MGST1: variants seen among roughly 807,000 people sequenced by gnomAD.
MGST1 encodes microsomal glutathione S-transferase 1.
Under a neutral mutation model 8.9 loss-of-function variants are expected in MGST1, and 5 were observed. That is an observed-to-expected ratio of 0.56 (90% CI 0.29 to 1.19). The LOEUF (loss-of-function observed/expected upper bound fraction) is 1.19, where lower values mean the gene tolerates loss of function less well. Among genes scored for constraint, MGST1 ranks in the 50% most tolerant of loss-of-function variants. MGST1 has a pLI of 0.08. For missense variants in MGST1, 182 were observed against 187.4 expected (o/e 0.97, Z 0.17); for synonymous variants, 54 against 67.8 (o/e 0.80, Z 1.00).
chr12:16,586,309 T>C lies in MGST1; in HGVS notation n.483-3219T>C, dbSNP rs542663638. Among the ~76,000 whole-genome samples the C allele has an allele frequency of 2.2e-4, 34 of 152,116 alleles. No individual in the cohort carries two copies. Among genetic ancestry groups the C allele is most frequent in the Non-Finnish European group, 4.7e-4 (32 of 68,010 alleles). On this transcript the variant is annotated intron_variant and non_coding_transcript_variant, in intron 4 of 4. Coordinates refer to the MGST1 transcript ENST00000538857. The surrounding 1 kb of genome is among the most constrained non-coding windows in gnomAD (Gnocchi z 4.3). The stretch of plus-strand genomic sequence containing the variant: ...GTTAAGATGTCATGATACGATGAAG[T>C]CCACATACGGAACAACTAAGAAACA...
chr12:16,487,890 T>A lies in MGST1; in HGVS notation n.483-101638T>A, dbSNP rs1046193207. ...GGCTTGTGGGCTTAAGTATATTATT[T>A]ACAGTTACAAAAGGAATGATAAAAG... is the stretch of plus-strand genomic sequence containing the variant. On this transcript the variant is annotated intron_variant and non_coding_transcript_variant, in intron 4 of 4. Coordinates refer to the MGST1 transcript ENST00000538857. Among the ~76,000 whole-genome samples, 7 of 152,178 alleles carry A rather than the reference T, an allele frequency of 4.6e-5. No homozygotes were observed. In the South Asian group the frequency reaches 1.4e-3, roughly 32 times the overall value.
chr12:16,348,769 A>G (rs1243011928), intron 1 of MGST1: 1 of 150,600 alleles, frequency 6.6e-6, no homozygotes, highest in East Asian at 2.0e-4. Flanking sequence ...TTCCAAAATA[A>G]GAGGGCTATG....
intron 4 of MGST1, among the ~76,000 whole-genome samples, chr12:16,446,475 A>G (rs572948297): frequency 1.3e-5 from 2 of 151,842 alleles, no homozygotes; most frequent in Non-Finnish European, 2.9e-5. Context: ...TTTTGGTTAT[A>G]TAATTTAAGA....
chr12:16,363,690 T>C lies in MGST1; in HGVS notation c.222-105T>C. The C allele has an allele frequency of 1.1e-6, 1 of 943,306 alleles. No homozygotes were observed. The highest frequency in any genetic ancestry group is 1.7e-5 in the African/African-American group (1 of 60,376). 58.4% of individuals were successfully genotyped at this position (943,306 alleles called of 1,614,324 possible). On this transcript the variant is annotated intron_variant, in intron 3 of 3. Coordinates refer to ENST00000396210, the MANE Select transcript of MGST1 (RefSeq NM_020300.5). The surrounding 1 kb of genome is among the most constrained non-coding windows in gnomAD (Gnocchi z 4.6). ...AAAAAATAAATCTTACTTTGAAATT[T>C]AAGGATCCATTAGTGCTCAGATTTA...
At chr12:16,566,194 T>C (rs969563022) in intron 4 of MGST1, among the ~76,000 whole-genome samples, 8 of 150,370 alleles carry the variant, frequency 5.3e-5, no homozygotes, top group African/African-American at 2.0e-4. Context: ...AAATAAAAAG[T>C]CGACATCATA....
intron 4 of MGST1, among the ~76,000 whole-genome samples, chr12:16,451,631 C>T (rs917178260): frequency 2.0e-5 from 3 of 151,760 alleles, no homozygotes; most frequent in African/African-American, 7.2e-5. Flanking sequence ...GGTCTTTAAA[C>T]TATATGATAT....
At position 16,401,626 on chromosome 12, in the gene MGST1, T is replaced by C; in HGVS notation, n.778+18022T>C. 3 of 1,577,334 alleles carry C rather than the reference T, an allele frequency of 1.9e-6. No homozygotes were observed. Among genetic ancestry groups the C allele is most frequent in the Non-Finnish European group, 2.6e-6 (3 of 1,146,516 alleles). On this transcript the variant is annotated intron_variant and non_coding_transcript_variant, in intron 1 of 1. Transcript: ENST00000359720. This position sits in a 1 kb window ranked among gnomAD's most constrained non-coding sequence, Gnocchi z 4.3. ...GCACAAGTGATAGCCCCAAAATACA[T>C]GTGATTCTTGTCACTCACCACACTG...
chr12:16,540,657 G>T (rs182891946), intron 4 of MGST1, among the ~76,000 whole-genome samples: 2 of 152,342 alleles, frequency 1.3e-5, no homozygotes, highest in African/African-American at 4.8e-5. Context: ...GAGGCAAGGC[G>T]TGGTGGCTCA....
chr12:16,550,291 A>T (rs1412056571), intron 4 of MGST1: 1 of 152,456 alleles, frequency 6.6e-6, no homozygotes, highest in Non-Finnish European at 1.5e-5. Flanking sequence ...TACAAGAAGA[A>T]GTTTAATTTA....
chr12:16,452,307 A>T (rs1446800015), intron 4 of MGST1, among the ~76,000 whole-genome samples: 1 of 151,726 alleles, frequency 6.6e-6, no homozygotes, highest in East Asian at 1.9e-4. Flanking sequence ...TTTTGTAGAT[A>T]GCAAGATTGC....
intron 4 of MGST1, among the ~76,000 whole-genome samples, chr12:16,545,889 G>A (rs189183782): frequency 6.8e-6 from 1 of 145,988 alleles, no homozygotes; most frequent in East Asian, 1.9e-4. Flanking sequence ...ATTCCCAGGA[G>A]CTAGAAAAAA....
At chr12:16,391,398 T>C (rs1940552151) in intron 1 of MGST1, among the ~76,000 whole-genome samples, 1 of 151,882 alleles carries the variant, frequency 6.6e-6, no homozygotes, top group Admixed American at 6.6e-5. Context: ...CTCCCACTTT[T>C]GAGTGAGAAC....
chr12:16,494,400 C>A (rs1194813862), intron 4 of MGST1, among the ~76,000 whole-genome samples: 5 of 152,030 alleles, frequency 3.3e-5, no homozygotes, highest in African/African-American at 1.2e-4. Flanking sequence ...GCCTTAATTA[C>A]AAAAATAGTG....
Position 16,421,091 on chromosome 12 carries a change from T to C in MGST1, n.779-16297T>C, listed in dbSNP as rs575527102. Among the ~76,000 whole-genome samples the C allele has an allele frequency of 2.6e-5, 4 of 152,236 alleles. No homozygotes were observed. The South Asian group carries it at 8.3e-4, about 32-fold the overall frequency. On this transcript the variant is annotated intron_variant and non_coding_transcript_variant, in intron 1 of 1. Transcript: ENST00000359720. ...GGCGGCCATCTCTTTTGATCTAGAT[T>C]ACTTAACCAGATGAAATGATCCAGA...
chr12:16,397,778 C>CTTT (rs55755629), intron 1 of MGST1, among the ~76,000 whole-genome samples: 28,898 of 143,128 alleles, frequency 0.2, 3,179 homozygotes, highest in South Asian at 0.33. Context: ...TCAATAGTAT[C>CTTT]TTTTTTTTTT....
chr12:16,573,174 A>C (rs1196051462), intron 4 of MGST1, among the ~76,000 whole-genome samples: 2 of 152,120 alleles, frequency 1.3e-5, no homozygotes. Context: ...ATGTCTATTC[A>C]TAAGTGCCCC....
chr12:16,489,305 T>C lies in MGST1; in HGVS notation n.483-100223T>C, dbSNP rs75869627. 2.0e-5 allele frequency among the ~76,000 whole-genome samples: 3 copies of C among 152,264 alleles called. No homozygotes were observed. The East Asian group carries it at 5.8e-4, about 29-fold the overall frequency. On this transcript the variant is annotated intron_variant and non_coding_transcript_variant, in intron 4 of 4. Coordinates refer to the MGST1 transcript ENST00000538857. Reference sequence around the variant, plus strand: ...TGATTTCTGTTTTAAGATCTCTAGTTCATGTTTGCTTTTGCTGAAGTTCAG... The same window carrying C: ...TGATTTCTGTTTTAAGATCTCTAGTCCATGTTTGCTTTTGCTGAAGTTCAG...
chr12:16,483,714 A>G (rs544393817), intron 4 of MGST1, among the ~76,000 whole-genome samples: 41 of 152,348 alleles, frequency 2.7e-4, no homozygotes, highest in African/African-American at 9.6e-4. Context: ...CACACAAAGC[A>G]AAAATGGATG....
At position 16,401,335 on chromosome 12, in the gene MGST1, A is replaced by T; in HGVS notation, n.778+17731A>T. 1 of 1,343,512 alleles carries T rather than the reference A, an allele frequency of 7.4e-7. No individual in the cohort carries two copies. Among genetic ancestry groups the T allele is most frequent in the South Asian group, 1.2e-5 (1 of 85,582 alleles). The allele number at this position is 1,343,512 out of a possible 1,614,324, so 83.2% of individuals were successfully genotyped here. A position where few individuals can be genotyped will look rare whatever the true frequency, so the allele number is the denominator to read the frequency against. On this transcript the variant is annotated intron_variant and non_coding_transcript_variant, in intron 1 of 1. Coordinates refer to the MGST1 transcript ENST00000359720. This position sits in a 1 kb window ranked among gnomAD's most constrained non-coding sequence, Gnocchi z 4.3. ...CAGTTTGTATTGATTTTTACTATTG[A>T]TTACTAGGAAGCTTTCATGGAATTC...
Sources: allele counts gnomAD v4.1 joint callset (sites outside exome capture counted in the v4.1 genomes callset), GRCh38; gene constraint gnomAD v4.1.1; non-coding constraint Gnocchi (gnomAD v3.1); transcripts MANE v1.5; gene names NCBI Gene and HGNC (gene_info 2026-07-23, HGNC 2026-07-21).